The following OIP5 variants were observed in gnomAD, a reference collection of about 807,000 sequenced individuals.
OIP5 encodes the protein protein Mis18-beta.
OIP5 carries 24 observed loss-of-function variants against 20.3 expected under a neutral mutation model. That is an observed-to-expected ratio of 1.18 (90% CI 0.86 to 1.66). The LOEUF is 1.66. Ranked by LOEUF, OIP5 falls within the 40% of genes most tolerant of loss-of-function variation. The pLI, the probability that OIP5 is intolerant of heterozygous loss-of-function variation, is 0.00. For synonymous variants in OIP5, 143 were observed against 121.3 expected (o/e 1.18, Z -1.17); for missense variants, 339 against 289.5 (o/e 1.17, Z -1.24).
At chr15:41,317,933 C>G (rs775434654) in intron 3 of OIP5, among the ~76,000 whole-genome samples, 31 of 152,026 alleles carry the variant, frequency 2.0e-4, no homozygotes, top group Non-Finnish European at 4.0e-4. Context: ...TCCAACTCAG[C>G]CTTCCAAAGT....
intron 3 of OIP5, among the ~76,000 whole-genome samples, chr15:41,315,107 A>AG (rs1241868026): frequency 6.6e-6 from 1 of 151,388 alleles, no homozygotes; most frequent in African/African-American, 2.4e-5. Context: ...CTCAAAAAAA[A>AG]AAAAAAAAAG....
At chr15:41,332,128 C>T in intron 1 of OIP5, 112 bp downstream of exon 1, 8 of 1,386,650 alleles carry the variant, frequency 5.8e-6, no homozygotes, top group Non-Finnish European at 8.0e-6. Flanking sequence ...TATTTGCTTC[C>T]AACTTTTCAT....
At chr15:41,326,214 A>T (rs1310149421) in intron 2 of OIP5, among the ~76,000 whole-genome samples, 1 of 152,196 alleles carries the variant, frequency 6.6e-6, no homozygotes, top group African/African-American at 2.4e-5. Context: ...AAAACACAGT[A>T]TATTTTATTG....
chr15:41,326,262 A>C (rs1193486908), intron 2 of OIP5, among the ~76,000 whole-genome samples: 1 of 152,232 alleles, frequency 6.6e-6, no homozygotes, highest in African/African-American at 2.4e-5. Context: ...AATTGCAATA[A>C]GTTCAGATAG....
chr15:41,330,143 T>C (rs1429192285), intron 2 of OIP5, among the ~76,000 whole-genome samples: 5 of 152,084 alleles, frequency 3.3e-5, no homozygotes, highest in Non-Finnish European at 7.3e-5. Context: ...CAGGCTGGAG[T>C]GCAATGGCGT....
intron 2 of OIP5, among the ~76,000 whole-genome samples, chr15:41,327,894 G>A (rs1457715428): frequency 6.6e-6 from 1 of 152,136 alleles, no homozygotes; most frequent in Admixed American, 6.5e-5. Context: ...GATCACTTGA[G>A]TTCAGGAGTT....
intron 2 of OIP5, among the ~76,000 whole-genome samples, chr15:41,329,010 G>T (rs908776456): frequency 1.5e-5 from 2 of 137,760 alleles, no homozygotes; most frequent in Non-Finnish European, 3.0e-5. Context: ...AGGTTGCAGC[G>T]AGCCAAGATC....
At position 41,318,786 on chromosome 15, in the gene OIP5, C is replaced by T. The variant is rs1193792046; in HGVS notation, c.512+872G>A. Among the ~76,000 whole-genome samples the T allele has an allele frequency of 2.0e-5, 3 of 151,216 alleles. 1 individual carries two copies. The highest frequency in any genetic ancestry group is 4.4e-5 in the Non-Finnish European group (3 of 67,888). ...CACAGCAAAATGTAACCTTGAACTC[C>T]TGGGCTCAGGTGATCCTCCCACCTC... On this transcript the variant is annotated intron_variant, in intron 3 of 4. Coordinates refer to ENST00000220514, the MANE Select transcript of OIP5 (RefSeq NM_007280.2).
chr15:41,315,349 A>G (rs1203086035), intron 3 of OIP5, among the ~76,000 whole-genome samples: 1 of 151,704 alleles, frequency 6.6e-6, no homozygotes, highest in African/African-American at 2.4e-5. Context: ...GAATCACTTG[A>G]ACCTGGGAGG....
intron 3 of OIP5, among the ~76,000 whole-genome samples, chr15:41,317,381 C>CTTT (rs1171613409): frequency 7.5e-6 from 1 of 132,724 alleles, no homozygotes; most frequent in Admixed American, 7.6e-5. Context: ...ATCCATTTTT[C>CTTT]TTTTTTTTTT....
At chr15:41,313,828 G>A (rs981079896) in intron 3 of OIP5, among the ~76,000 whole-genome samples, 10 of 151,948 alleles carry the variant, frequency 6.6e-5, no homozygotes, top group Non-Finnish European at 1.0e-4. Context: ...ATGGATTTTG[G>A]TATCTGGTGA....
intron 3 of OIP5, among the ~76,000 whole-genome samples, chr15:41,316,119 G>A (rs188044188): frequency 2.0e-5 from 3 of 151,426 alleles, no homozygotes; most frequent in Admixed American, 6.6e-5. Context: ...GGGCGAAAGA[G>A]CAAGACTCCG....
chr15:41,318,291 A>T (rs1186819136), intron 3 of OIP5, among the ~76,000 whole-genome samples: 1 of 152,134 alleles, frequency 6.6e-6, no homozygotes, highest in Non-Finnish European at 1.5e-5. Flanking sequence ...CCTCCCGAGT[A>T]GCTGCGACCA....
intron 2 of OIP5, among the ~76,000 whole-genome samples, chr15:41,331,393 A>G (rs2047909370): frequency 6.6e-6 from 1 of 152,180 alleles, no homozygotes; most frequent in African/African-American, 2.4e-5. Flanking sequence ...TCTAATATCA[A>G]GCGTGGGCAA....
intron 4 of OIP5, among the ~76,000 whole-genome samples, chr15:41,310,628 C>CA (rs1240547687): frequency 0.022 from 1,305 of 59,860 alleles, 24 homozygotes; most frequent in East Asian, 0.085. Context: ...GACTCCGTCT[C>CA]AAAAAAAAAA....
At chr15:41,323,697 C>T (rs1388360957) in intron 2 of OIP5, among the ~76,000 whole-genome samples, 3 of 147,002 alleles carry the variant, frequency 2.0e-5, no homozygotes, top group Admixed American at 1.4e-4. Flanking sequence ...TCTTGAACTC[C>T]TGTGCTCAAG....
intron 2 of OIP5, among the ~76,000 whole-genome samples, chr15:41,329,866 A>C (rs1473561776): frequency 6.6e-6 from 1 of 150,986 alleles, no homozygotes; most frequent in Admixed American, 6.6e-5. Flanking sequence ...ACGCCCAGCT[A>C]ATTTTTGTAT....
At chr15:41,313,115 A>G (rs979820198) in intron 4 of OIP5, among the ~76,000 whole-genome samples, 158 bp downstream of exon 4, 2 of 152,192 alleles carry the variant, frequency 1.3e-5, no homozygotes, top group African/African-American at 4.8e-5. Context: ...GTGTGGTTTT[A>G]GTATTTTGTT....
chr15:41,320,438 T>C lies in OIP5; in HGVS notation c.390-658A>G, dbSNP rs1460233614. Among the ~76,000 whole-genome samples the C allele has an allele frequency of 1.3e-5, 2 of 152,130 alleles. 1 individual carries two copies. The highest frequency in any genetic ancestry group is 2.9e-5 in the Non-Finnish European group (2 of 68,020). On this transcript the variant is annotated intron_variant, in intron 2 of 4. Transcript: ENST00000220514. ...GATTGCAGGCACGCGCCGCCACACT[T>C]GACAGGTTTTCATATTTTTTTGGTG... is the stretch of plus-strand genomic sequence containing the variant.
Sources: allele counts gnomAD v4.1 joint callset (sites outside exome capture counted in the v4.1 genomes callset), GRCh38; gene constraint gnomAD v4.1.1; transcripts MANE v1.5; gene names NCBI Gene and HGNC (gene_info 2026-07-23, HGNC 2026-07-21).